Variants in CERS4 observed in about 807,000 individuals in gnomAD.
CERS4 encodes LAG1 homolog, ceramide synthase 4.
CERS4 carries 65 observed loss-of-function variants against 51.8 expected under a neutral mutation model. The observed-to-expected ratio is 1.26, with a 90% CI of 1.03 to 1.54. The LOEUF (loss-of-function observed/expected upper bound fraction) is 1.54, where lower values mean the gene tolerates loss of function less well. Among genes scored for constraint, CERS4 ranks in the 40% most tolerant of loss-of-function variants. CERS4 has a pLI of 0.00. For synonymous variants in CERS4, 228 were observed against 208.4 expected, an observed-to-expected ratio of 1.09 and a Z score of -0.81; for missense variants, 563 against 500.4, an observed-to-expected ratio of 1.13 and a Z score of -1.19.
chr19:8,215,966 C>T (rs1967283696), intron 2 of CERS4, among the ~76,000 whole-genome samples: 1 of 152,174 alleles, frequency 6.6e-6, no homozygotes, highest in Non-Finnish European at 1.5e-5. Flanking sequence ...TCCAGGATGC[C>T]TGGCCCTGCC....
chr19:8,229,418 T>C (rs530061292), intron 2 of CERS4, among the ~76,000 whole-genome samples: 10 of 25,800 alleles, frequency 3.9e-4, no homozygotes, highest in East Asian at 5.7e-4. Context: ...TTTCTTCTTT[T>C]TTCTTCTTCT....
At chr19:8,233,224 G>A (rs1968093481) in intron 2 of CERS4, among the ~76,000 whole-genome samples, 1 of 151,902 alleles carries the variant, frequency 6.6e-6, no homozygotes. Context: ...GGAGTGCAGT[G>A]CTGTGATCTT....
At chr19:8,218,111 C>T (rs998016343) in intron 2 of CERS4, among the ~76,000 whole-genome samples, 1 of 152,108 alleles carries the variant, frequency 6.6e-6, no homozygotes, top group African/African-American at 2.4e-5. Context: ...ATTACAGGCA[C>T]GTGCCACCAT....
chr19:8,223,379 G>T (rs1219523024), intron 2 of CERS4, among the ~76,000 whole-genome samples: 2 of 150,606 alleles, frequency 1.3e-5, no homozygotes, highest in East Asian at 4.0e-4. Context: ...ACTTTGGGAG[G>T]CTGAGAGGTG....
chr19:8,257,645 G>C (rs996400130), intron 9 of CERS4, among the ~76,000 whole-genome samples: 1 of 152,102 alleles, frequency 6.6e-6, no homozygotes, highest in African/African-American at 2.4e-5. Flanking sequence ...GGCCAGGCTG[G>C]TCTCGAACTC....
rs1216390977 is a variant in CERS4 at position 8,251,195 on chromosome 19, T to C, written c.119T>C (p.Leu40Ser). ...GRVYPHPQDL[L>S]AALPLALVLL... ...GTCTACCCCCACCCCCAGGACTTGT[T>C]GGCAGCCCTGCCCCTGGCGCTGGTC... is the stretch of plus-strand genomic sequence containing the variant. The change falls in exon 3 of 12, where the codon TTG becomes TCG. Residue 40 changes from leucine to serine, a missense_variant. By Grantham distance (145) the Leu-to-Ser change is moderately radical. Transcript: ENST00000251363. The C allele has an allele frequency of 6.2e-7, 1 of 1,613,412 alleles. No homozygotes were observed. Among genetic ancestry groups the C allele is most frequent in the East Asian group, 2.2e-5 (1 of 44,842 alleles).
rs538608051 is a variant in CERS4, at chr19:8,253,714, C to G, written c.174-785C>G. On this transcript the variant is annotated intron_variant, in intron 3 of 11. Coordinates refer to ENST00000251363, the MANE Select transcript of CERS4 (RefSeq NM_024552.3). ...CAAGCAATTCACCTGCCTCAACCTC[C>G]CGAGTAGCTGGGATTACAGGTGCAC... Among the ~76,000 whole-genome samples the G allele has an allele frequency of 6.6e-5, 10 of 152,058 alleles. No individual in the cohort carries two copies. The East Asian group carries it at 1.2e-3, about 18-fold the overall frequency.
chr19:8,237,213 A>G (rs1026661659), intron 2 of CERS4, among the ~76,000 whole-genome samples: 2 of 151,826 alleles, frequency 1.3e-5, no homozygotes, highest in South Asian at 4.1e-4. Flanking sequence ...TCTGTTCATT[A>G]TCTTGATTGA....
intron 6 of CERS4, 157 bp from the exon 7 acceptor site, chr19:8,256,079 G>C: frequency 1.0e-6 from 1 of 956,374 alleles, no homozygotes; most frequent in Non-Finnish European, 1.6e-6. Flanking sequence ...GTTCTGCAGT[G>C]AATGAGCCCC....
chr19:8,246,337 C>T (rs185569397), intron 2 of CERS4, among the ~76,000 whole-genome samples: 1 of 151,834 alleles, frequency 6.6e-6, no homozygotes, highest in African/African-American at 2.4e-5. Context: ...GCGGGAGGAT[C>T]GCTTGAGCCA....
intron 2 of CERS4, among the ~76,000 whole-genome samples, chr19:8,235,170 G>A (rs955534520): frequency 1.4e-5 from 2 of 146,148 alleles, no homozygotes; most frequent in Admixed American, 6.9e-5. Context: ...CACCATGCCT[G>A]GCTAATTTTT....
chr19:8,230,537 C>T (rs932383061), intron 2 of CERS4, among the ~76,000 whole-genome samples: 1 of 152,128 alleles, frequency 6.6e-6, no homozygotes, highest in African/African-American at 2.4e-5. Context: ...AGGCTCTATA[C>T]AGTTTCTAAA....
At position 8,255,760 on chromosome 19, in the gene CERS4, AGCGGGCCGGG is replaced by A. The variant is rs544491803; in HGVS notation, c.410+37_410+46del. 10 of 1,368,326 alleles carry A rather than the reference AGCGGGCCGGG, an allele frequency of 7.3e-6. No individual in the cohort carries two copies. In the East Asian group the frequency reaches 2.6e-4, roughly 36 times the overall value. 84.8% of individuals were successfully genotyped at this position (1,368,326 alleles called of 1,614,324 possible). On this transcript the variant is annotated intron_variant, in intron 5 of 11. Transcript: ENST00000251363. ...GGATGGGGCTTCTGGGGTGCAGGGA[AGCGGGCCGGG>A]GTGGGGCGGGGCGGGTGTCTGCTAT...
chr19:8,234,034 T>C (rs948576044), intron 2 of CERS4, among the ~76,000 whole-genome samples: 7 of 150,720 alleles, frequency 4.6e-5, no homozygotes, highest in African/African-American at 9.8e-5. Context: ...CGGCTGGGCG[T>C]GGTGGCTCAC....
rs151222474 is a variant in CERS4, at chr19:8,251,549, C to T, written c.173+300C>T. Among the ~76,000 whole-genome samples the T allele has an allele frequency of 7.6e-3, 1,150 of 152,270 alleles. 14 individuals carry two copies. The highest frequency in any genetic ancestry group is 0.026 in the African/African-American group (1,082 of 41,558). ...ATGGGAGGCCGGGCACGGTGGCTCACGCCTGTAATCCCAGCACTTTGAGAG... is the reference window on the plus strand; with the variant it reads ...ATGGGAGGCCGGGCACGGTGGCTCATGCCTGTAATCCCAGCACTTTGAGAG... On this transcript the variant is annotated intron_variant, in intron 3 of 11. Transcript: ENST00000251363.
In CERS4 at chr19:8,239,422, A is replaced by G. The variant is rs1003313516; in HGVS notation, c.-1-11654A>G. 138 of 152,366 alleles carry G rather than the reference A, an allele frequency of 9.1e-4. 1 individual carries two copies. The highest frequency in any genetic ancestry group is 3.1e-3 in the African/African-American group (130 of 41,424). The allele number at this position is 152,366 out of a possible 1,614,324, so 9.4% of individuals were successfully genotyped here. ...CTCAAAAAAAAAAAAGAAAAAGAAA[A>G]AAGAAAAATTGCATGATTAGCTTCT... On this transcript the variant is annotated intron_variant, in intron 2 of 11. Transcript: ENST00000251363.
chr19:8,215,233 C>T (rs1224443079), intron 2 of CERS4, among the ~76,000 whole-genome samples: 2 of 152,068 alleles, frequency 1.3e-5, no homozygotes, highest in Non-Finnish European at 2.9e-5. Flanking sequence ...GATCCCAGCA[C>T]TTTGGGAGGC....
At chr19:8,259,229 C>G (rs1969552905) in intron 10 of CERS4, among the ~76,000 whole-genome samples, 1 of 152,048 alleles carries the variant, frequency 6.6e-6, no homozygotes, top group South Asian at 2.1e-4. Context: ...AGCGTTTGTA[C>G]CGAGAGATGG....
chr19:8,242,310 G>T (rs140711125), intron 2 of CERS4, among the ~76,000 whole-genome samples: 310 of 152,314 alleles, frequency 2.0e-3, no homozygotes, highest in Non-Finnish European at 3.7e-3. Flanking sequence ...GAGAGAGTAG[G>T]ACCTCTGGGG....
Sources: gnomAD v4.1 joint callset for allele counts (sites outside exome capture counted in the v4.1 genomes callset) on GRCh38, gnomAD v4.1.1 for gene constraint, MANE v1.5 for transcripts, NCBI Gene and HGNC (gene_info 2026-07-23, HGNC 2026-07-21) for gene names.